SUGT1: variants seen among roughly 807,000 people sequenced by gnomAD.
The protein encoded by SUGT1 is SGT1 assembly cochaperone of MIS12 kinetochore complex, also known as protein SGT1 homolog.
SUGT1 carries 15 observed loss-of-function variants against 56.1 expected under a neutral mutation model. The observed-to-expected ratio is 0.27, with a 90% CI of 0.18 to 0.41. The LOEUF is 0.41. Ranked by LOEUF, SUGT1 falls within the 10% of genes least tolerant of loss-of-function variation. SUGT1 has a pLI of 1.00. For missense variants in SUGT1, 347 were observed against 382.2 expected (o/e 0.91, Z 0.77); for synonymous variants, 123 against 128.6 (o/e 0.96, Z 0.30).
At chr13:52,667,869 A>G (rs531984488) in intron 10 of SUGT1, among the ~76,000 whole-genome samples, 16 of 152,300 alleles carry the variant, frequency 1.1e-4, no homozygotes, top group Non-Finnish European at 1.6e-4. Flanking sequence ...AGGGCTGTGG[A>G]CCAAATGAAC....
intron 9 of SUGT1, 59 bp downstream of exon 9, chr13:52,665,792 T>G (rs1962676739): frequency 8.9e-7 from 1 of 1,128,816 alleles, no homozygotes; most frequent in Non-Finnish European, 1.3e-6. Context: ...TTTAGTATAT[T>G]GCAGAATAAT....
At chr13:52,678,934 G>A (rs1193266767) in intron 11 of SUGT1, among the ~76,000 whole-genome samples, 2 of 151,714 alleles carry the variant, frequency 1.3e-5, no homozygotes, top group African/African-American at 4.8e-5. Flanking sequence ...CCTCCTACTT[G>A]GCCTCCCAAA....
intron 5 of SUGT1, among the ~76,000 whole-genome samples, chr13:52,660,090 A>G (rs933237926): frequency 2.0e-5 from 3 of 151,824 alleles, no homozygotes; most frequent in Admixed American, 6.6e-5. Context: ...CGGCCTCCCA[A>G]AGTGCTGGGA....
In SUGT1 at chr13:52,688,766, A is replaced by G. The variant is rs73188564; in HGVS notation, c.*931A>G. 1 of 152,328 alleles carries G rather than the reference A, an allele frequency of 6.6e-6. No homozygotes were observed. The highest frequency in any genetic ancestry group is 1.5e-5 in the Non-Finnish European group (1 of 68,028). 9.4% of individuals were successfully genotyped at this position (152,328 alleles called of 1,614,324 possible). ...GAGAATACAAAAAATTAAAGACATGATTATTAACTTCAAAGAGCTTATAAA... is the reference window on the plus strand; with the variant it reads ...GAGAATACAAAAAATTAAAGACATGGTTATTAACTTCAAAGAGCTTATAAA... On this transcript the variant is annotated 3_prime_UTR_variant, in exon 13 of 13. Transcript: ENST00000310528.
intron 12 of SUGT1, 41 bp from the exon 13 acceptor site, chr13:52,687,682 CTATTTTGATTA>C: frequency 7.2e-7 from 1 of 1,397,254 alleles, no homozygotes; most frequent in Non-Finnish European, 9.6e-7. Flanking sequence ...GAAAAATATT[CTATTTTGATTA>C]TATGGTCCAG....
intron 7 of SUGT1, 104 bp from the exon 8 acceptor site, chr13:52,663,931 A>G (rs1302523910): frequency 1.9e-6 from 2 of 1,028,618 alleles, no homozygotes; most frequent in African/African-American, 3.2e-5. Flanking sequence ...AAATAACTGC[A>G]GTGTTGGGTA....
chr13:52,680,113 A>G lies in SUGT1; in HGVS notation c.858A>G (p.Ser286=), dbSNP rs768543876. The change falls in exon 12 of 13, where the codon TCA becomes TCG. Residue 286 remains serine (S), a synonymous_variant. Transcript: ENST00000310528. Reference sequence around the variant, plus strand: ...ACAGATTATTTCAGCAGATCTATTCAGATGGTTCTGATGAAGTGAAACGTG... The same window carrying G: ...ACAGATTATTTCAGCAGATCTATTCGGATGGTTCTGATGAAGTGAAACGTG... ...ALNRLFQQIY[S]DGSDEVKRAM... is the part of the protein sequence containing the mutation. 1.3e-5 allele frequency: 20 copies of G among 1,595,080 alleles called. No homozygotes were observed. The South Asian group carries it at 2.2e-4, about 17-fold the overall frequency.
At chr13:52,680,612 C>G (rs1032298102) in intron 12 of SUGT1, among the ~76,000 whole-genome samples, 1 of 152,128 alleles carries the variant, frequency 6.6e-6, no homozygotes, top group Non-Finnish European at 1.5e-5. Context: ...GCATAAATAC[C>G]TAAATTAGAC....
At position 52,695,522 on chromosome 13, in the gene SUGT1, A is replaced by C. The variant is rs565731252; in HGVS notation, c.*7687A>C. 1.2e-4 allele frequency: 18 copies of C among 152,342 alleles called. No homozygotes were observed. The highest frequency in any genetic ancestry group is 4.3e-4 in the African/African-American group (18 of 41,582). The allele number at this position is 152,342 out of a possible 1,614,324, so 9.4% of individuals were successfully genotyped here. A position where few individuals can be genotyped will look rare whatever the true frequency, so the allele number is the denominator to read the frequency against. On this transcript the variant is annotated 3_prime_UTR_variant, in exon 13 of 13. Coordinates refer to ENST00000310528, the MANE Select transcript of SUGT1 (RefSeq NM_006704.5). ...TAATAACTAAGTCCTGACTCAAATTATGTTACCAATAAATGCTACTTAAAT... is the reference window on the plus strand; with the variant it reads ...TAATAACTAAGTCCTGACTCAAATTCTGTTACCAATAAATGCTACTTAAAT...
rs539644803 is a variant in SUGT1, at chr13:52,688,140, C to T, written c.*305C>T. 132 of 168,014 alleles carry T rather than the reference C, an allele frequency of 7.9e-4. 6 individuals carry two copies. The South Asian group carries it at 0.022, about 28-fold the overall frequency. 10.4% of individuals were successfully genotyped at this position (168,014 alleles called of 1,614,324 possible). A position where few individuals can be genotyped will look rare whatever the true frequency, so the allele number is the denominator to read the frequency against. On this transcript the variant is annotated 3_prime_UTR_variant, in exon 13 of 13. Coordinates refer to ENST00000310528, the MANE Select transcript of SUGT1 (RefSeq NM_006704.5). ...GGAGAAATCTTTAATGGTATATTTT[C>T]GGTTATTGCCTTATTTTTGATACAG...
At chr13:52,659,323 G>C in intron 5 of SUGT1, 74 bp downstream of exon 5, 1 of 938,390 alleles carries the variant, frequency 1.1e-6, no homozygotes. Flanking sequence ...TTTTGGTAAT[G>C]TTAATTTCAA....
rs571832958 is a variant in SUGT1, at chr13:52,667,916, A to G, written c.627+997A>G. The stretch of plus-strand genomic sequence containing the variant: ...TTCAGCTGTAGAATTGTGTGAAGGT[A>G]TATGATAAATGAGTTAATGGGAATA... On this transcript the variant is annotated intron_variant, in intron 10 of 12. Coordinates refer to ENST00000310528, the MANE Select transcript of SUGT1 (RefSeq NM_006704.5). Among the ~76,000 whole-genome samples the G allele has an allele frequency of 5.3e-5, 8 of 152,158 alleles. No homozygotes were observed. The East Asian group carries it at 1.5e-3, about 29-fold the overall frequency.
chr13:52,680,771 T>C (rs879859502), intron 12 of SUGT1, among the ~76,000 whole-genome samples: 6 of 152,226 alleles, frequency 3.9e-5, no homozygotes, highest in Non-Finnish European at 5.9e-5. Flanking sequence ...ATTTAATATT[T>C]AGTTAATGTG....
intron 4 of SUGT1, among the ~76,000 whole-genome samples, chr13:52,658,858 C>G (rs891412591): frequency 6.7e-6 from 1 of 150,072 alleles, no homozygotes; most frequent in African/African-American, 2.5e-5. Context: ...TATCTGTATA[C>G]TTTATATCCC....
chr13:52,676,348 A>G (rs1963143089), intron 11 of SUGT1, 28 bp downstream of exon 11: 3 of 1,555,674 alleles, frequency 1.9e-6, no homozygotes, highest in Non-Finnish European at 2.6e-6. Flanking sequence ...GATGAGCTTT[A>G]TATTCATATT....
rs1478584042 is a variant in SUGT1, at chr13:52,689,788, G to GT, written c.*1954dup. On this transcript the variant is annotated 3_prime_UTR_variant, in exon 13 of 13. Transcript: ENST00000310528. ...GTTCAAGACCAGCCTGGCCAACATGGTGAAACCCTGTGTCTACTAAAAATG... is the reference window on the plus strand; with the variant it reads ...GTTCAAGACCAGCCTGGCCAACATGGTTGAAACCCTGTGTCTACTAAAAATG... The GT allele has an allele frequency of 2.0e-5, 3 of 152,120 alleles. No homozygotes were observed. Among genetic ancestry groups the GT allele is most frequent in the Non-Finnish European group, 4.4e-5 (3 of 68,088 alleles). 9.4% of individuals were successfully genotyped at this position (152,120 alleles called of 1,614,324 possible). A position where few individuals can be genotyped will look rare whatever the true frequency, so the allele number is the denominator to read the frequency against.
At chr13:52,680,964 C>CT (rs1198084523) in intron 12 of SUGT1, among the ~76,000 whole-genome samples, 3 of 152,064 alleles carry the variant, frequency 2.0e-5, no homozygotes, top group African/African-American at 7.2e-5. Context: ...ACCTCAGCCT[C>CT]TGCAGTAGCT....
Position 52,689,919 on chromosome 13 carries a change from A to G in SUGT1, c.*2084A>G, listed in dbSNP as rs1217318650. The G allele has an allele frequency of 6.6e-6, 1 of 151,740 alleles. No homozygotes were observed. The highest frequency in any genetic ancestry group is 1.5e-5 in the Non-Finnish European group (1 of 68,022). The allele number at this position is 151,740 out of a possible 1,614,324, so 9.4% of individuals were successfully genotyped here. On this transcript the variant is annotated 3_prime_UTR_variant, in exon 13 of 13. Transcript: ENST00000310528. ...GGGAGGCAGGGGGTGCAGTGAGCCAAGATCATGCCACTGCACTCCAGCCTG... is the reference window on the plus strand; with the variant it reads ...GGGAGGCAGGGGGTGCAGTGAGCCAGGATCATGCCACTGCACTCCAGCCTG...
chr13:52,688,992 C>G lies in SUGT1; in HGVS notation c.*1157C>G, dbSNP rs1963691319. ...CCATGATTTTCTCAACTGTAATACCCCAGATGTTGGTCTCAGCTCTGTTAG... is the reference window on the plus strand; with the variant it reads ...CCATGATTTTCTCAACTGTAATACCGCAGATGTTGGTCTCAGCTCTGTTAG... On this transcript the variant is annotated 3_prime_UTR_variant, in exon 13 of 13. Coordinates refer to ENST00000310528, the MANE Select transcript of SUGT1 (RefSeq NM_006704.5). 6.6e-6 allele frequency: 1 copy of G among 152,130 alleles called. No homozygotes were observed. The highest frequency in any genetic ancestry group is 6.5e-5 in the Admixed American group (1 of 15,272). 9.4% of individuals were successfully genotyped at this position (152,130 alleles called of 1,614,324 possible).
Sources: gnomAD v4.1 joint callset for allele counts (sites outside exome capture counted in the v4.1 genomes callset) on GRCh38, gnomAD v4.1.1 for gene constraint, MANE v1.5 for transcripts, NCBI Gene and HGNC (gene_info 2026-07-23, HGNC 2026-07-21) for gene names.